Variants in FGF1 observed in about 807,000 individuals in gnomAD.
The protein encoded by FGF1 is beta-endothelial cell growth factor.
In FGF1, 9 loss-of-function variants were observed where a neutral mutation model predicts 13.4. That is an observed-to-expected ratio of 0.67 (90% CI 0.40 to 1.17). The LOEUF (loss-of-function observed/expected upper bound fraction) is 1.17. Among genes scored for constraint, FGF1 ranks in the 50% most tolerant of loss-of-function variants. The probability of loss-of-function intolerance (pLI) is 0.01; values close to 1 mark genes in which losing one functional copy is unlikely to be tolerated. For synonymous variants in FGF1, 93 were observed against 79.0 expected (o/e 1.18, Z -0.94); for missense variants, 156 against 192.7 (o/e 0.81, Z 1.13).
intron 1 of FGF1, among the ~76,000 whole-genome samples, chr5:142,681,637 G>A (rs535682130): frequency 2.0e-5 from 3 of 152,276 alleles, no homozygotes; most frequent in Non-Finnish European, 1.5e-5. Flanking sequence ...CTATCACCAA[G>A]CTCCATGTGC....
intron 2 of FGF1, among the ~76,000 whole-genome samples, chr5:142,694,718 C>G (rs1390366206): frequency 6.6e-6 from 1 of 152,136 alleles, no homozygotes; most frequent in Non-Finnish European, 1.5e-5. Flanking sequence ...AATTCTAAAG[C>G]CTACCCTCTA....
At chr5:142,626,728 C>T (rs1762523857) in intron 1 of FGF1, 1 of 152,252 alleles carries the variant, frequency 6.6e-6, no homozygotes, top group African/African-American at 2.4e-5. Flanking sequence ...ACTCCTGTGC[C>T]TCCTTTAGGT....
chr5:142,602,394 C>G lies in FGF1; in HGVS notation c.170-1589G>C, dbSNP rs17223723. 2.9e-3 allele frequency among the ~76,000 whole-genome samples: 436 copies of G among 152,266 alleles called. 1 individual carries two copies. Among genetic ancestry groups the G allele is most frequent in the African/African-American group, 1.0e-2 (415 of 41,548 alleles). On this transcript the variant is annotated intron_variant, in intron 2 of 3. Coordinates refer to ENST00000337706, the MANE Select transcript of FGF1 (RefSeq NM_000800.5). ...GTTTCACCATGTTGGCCAGGCTGGT[C>G]TCGAATTCCTGACCTTATGCTCTGC... is the stretch of plus-strand genomic sequence containing the variant.
At chr5:142,683,846 A>T (rs563785405) in intron 1 of FGF1, among the ~76,000 whole-genome samples, 1 of 138,734 alleles carries the variant, frequency 7.2e-6, no homozygotes, top group East Asian at 2.0e-4. Flanking sequence ...AAAAAAAAGG[A>T]AAAGAAAATT....
chr5:142,608,583 T>TACAC (rs1224660347), intron 2 of FGF1, among the ~76,000 whole-genome samples: 5 of 59,842 alleles, frequency 8.4e-5, no homozygotes, highest in South Asian at 6.3e-4. Context: ...TATATATATA[T>TACAC]ACACACACAC....
chr5:142,677,563 C>T (rs535171996), intron 1 of FGF1, among the ~76,000 whole-genome samples: 4 of 152,340 alleles, frequency 2.6e-5, no homozygotes, highest in Non-Finnish European at 1.5e-5. Context: ...GCCAGCCCAC[C>T]TGAGTTAGGG....
At chr5:142,668,893 A>T (rs957557058) in intron 1 of FGF1, among the ~76,000 whole-genome samples, 2 of 151,992 alleles carry the variant, frequency 1.3e-5, no homozygotes, top group African/African-American at 4.8e-5. Flanking sequence ...GGCTGGGGGG[A>T]TGGATGGAGG....
intron 2 of FGF1, among the ~76,000 whole-genome samples, 196 bp downstream of exon 2, chr5:142,613,763 T>C (rs570494747): frequency 6.6e-6 from 1 of 152,300 alleles, no homozygotes; most frequent in South Asian, 2.1e-4. Context: ...CACGTTTGGG[T>C]AAGTGGTGGC....
chr5:142,694,462 T>C (rs1218225940), intron 2 of FGF1, among the ~76,000 whole-genome samples: 1 of 152,208 alleles, frequency 6.6e-6, no homozygotes, highest in East Asian at 1.9e-4. Flanking sequence ...AAGATACACT[T>C]GAACCAAAAG....
chr5:142,660,541 G>A (rs891436445), intron 1 of FGF1, among the ~76,000 whole-genome samples: 3 of 152,184 alleles, frequency 2.0e-5, no homozygotes, highest in African/African-American at 7.2e-5. Flanking sequence ...TCTCGTCTCA[G>A]CATCTATATC....
intron 1 of FGF1, among the ~76,000 whole-genome samples, chr5:142,630,038 C>T (rs1482038368): frequency 2.0e-5 from 3 of 151,892 alleles, no homozygotes; most frequent in Non-Finnish European, 2.9e-5. Context: ...AGATTACAGG[C>T]GTCCGCCACC....
intron 3 of FGF1, among the ~76,000 whole-genome samples, chr5:142,597,285 A>G (rs2151812842): frequency 6.6e-6 from 1 of 152,308 alleles, no homozygotes; most frequent in African/African-American, 2.4e-5. Context: ...TAAGTGTACA[A>G]CTGTATTTTT....
chr5:142,619,076 AG>A (rs1425800559), intron 1 of FGF1, among the ~76,000 whole-genome samples: 2 of 151,726 alleles, frequency 1.3e-5, no homozygotes, highest in African/African-American at 4.8e-5. Context: ...CTGGGACTAC[AG>A]GCGCCTGCCA....
chr5:142,603,602 C>A (rs1757045582), intron 2 of FGF1, among the ~76,000 whole-genome samples: 1 of 152,176 alleles, frequency 6.6e-6, no homozygotes, highest in African/African-American at 2.4e-5. Flanking sequence ...ACACAGGGGG[C>A]AGTCTACATT....
At chr5:142,629,329 A>AAT (rs1169748990) in intron 1 of FGF1, among the ~76,000 whole-genome samples, 1 of 152,010 alleles carries the variant, frequency 6.6e-6, no homozygotes, top group Non-Finnish European at 1.5e-5. Flanking sequence ...CTAATTTAAA[A>AAT]ATATATATAT....
intron 2 of FGF1, among the ~76,000 whole-genome samples, chr5:142,608,266 A>G (rs1758132271): frequency 6.6e-6 from 1 of 151,984 alleles, no homozygotes. Flanking sequence ...CTGCTCTCCA[A>G]AGAGAGGCCA....
At chr5:142,606,379 G>T (rs1247457879) in intron 2 of FGF1, among the ~76,000 whole-genome samples, 1 of 151,712 alleles carries the variant, frequency 6.6e-6, no homozygotes, top group Non-Finnish European at 1.5e-5. Context: ...GCATTCAGGA[G>T]GCCGAGGCAG....
chr5:142,644,424 A>G (rs909162368), intron 1 of FGF1: 19 of 151,188 alleles, frequency 1.3e-4, no homozygotes, highest in Admixed American at 1.1e-3. Flanking sequence ...CCGCCCCCTC[A>G]TTCCCCACCA....
intron 1 of FGF1, among the ~76,000 whole-genome samples, chr5:142,674,754 C>A (rs752383024): frequency 2.6e-5 from 4 of 152,170 alleles, no homozygotes; most frequent in African/African-American, 7.2e-5. Flanking sequence ...GTGGCCAATT[C>A]AGGATATGCT....
Sources: allele counts gnomAD v4.1 joint callset (sites outside exome capture counted in the v4.1 genomes callset), GRCh38; gene constraint gnomAD v4.1.1; transcripts MANE v1.5; gene names NCBI Gene and HGNC (gene_info 2026-07-23, HGNC 2026-07-21).